Variants in MYPN observed in about 807,000 individuals in gnomAD.
MYPN encodes the protein myopalladin, also known as sarcomeric protein myopalladin, 145 kDa (MYOP).
MYPN carries 63 observed loss-of-function variants against 129.4 expected under a neutral mutation model. The observed-to-expected ratio is 0.49, with a 90% confidence interval of 0.40 to 0.60. The LOEUF is 0.60. Among genes scored for constraint, MYPN ranks in the 20% least tolerant of loss-of-function variants. The pLI, the probability that MYPN is intolerant of heterozygous loss-of-function variation, is 0.00. For synonymous variants in MYPN, 629 were observed against 600.9 expected (o/e 1.05, Z -0.68); for missense variants, 1,596 against 1,635.4 (o/e 0.98, Z 0.42).
chr10:68,183,690 A>C (rs909939858), intron 12 of MYPN, among the ~76,000 whole-genome samples: 2 of 152,154 alleles, frequency 1.3e-5, no homozygotes, highest in African/African-American at 4.8e-5. Context: ...TAATAAAACA[A>C]GATAAGAAGC....
intron 6 of MYPN, among the ~76,000 whole-genome samples, chr10:68,156,382 T>C (rs1434966647): frequency 6.6e-6 from 1 of 152,216 alleles, no homozygotes; most frequent in South Asian, 2.1e-4. Flanking sequence ...AATTCACTGA[T>C]GCTTCCTGTT....
chr10:68,138,796 T>G (rs2134050626), intron 2 of MYPN, among the ~76,000 whole-genome samples: 1 of 152,302 alleles, frequency 6.6e-6, no homozygotes, highest in South Asian at 2.1e-4. Context: ...ATCATCACAC[T>G]GTGGTTTAGG....
chr10:68,174,608 C>T lies in MYPN; in HGVS notation c.2516C>T (p.Ala839Val). The T allele has an allele frequency of 6.2e-7, 1 of 1,614,180 alleles. No homozygotes were observed. Among genetic ancestry groups the T allele is most frequent in the Non-Finnish European group, 8.5e-7 (1 of 1,180,032 alleles). The change falls in exon 11 of 20, where the codon GCC (alanine) becomes GTC (valine). Residue 839 changes from alanine to valine, a missense_variant. By Grantham distance (64) the Ala-to-Val change is moderately conservative (BLOSUM62 0). Coordinates refer to ENST00000358913, the MANE Select transcript of MYPN (RefSeq NM_032578.4). ...FLSSVLPSLP[A>V]IPPTNAMGLP... ...AGCTCTGTTCTGCCTTCTCTCCCTG[C>T]CATCCCACCCACAAATGCCATGGGG...
At chr10:68,201,400 C>A (rs567578574) in intron 17 of MYPN, among the ~76,000 whole-genome samples, 1 of 152,162 alleles carries the variant, frequency 6.6e-6, no homozygotes, top group South Asian at 2.1e-4. Context: ...TGGGTGCATG[C>A]CCACTCTGCT....
intron 4 of MYPN, 132 bp from the exon 5 acceptor site, chr10:68,148,221 G>T: frequency 1.3e-6 from 1 of 789,852 alleles, no homozygotes; most frequent in Non-Finnish European, 2.1e-6. Context: ...GTCAACGTTT[G>T]TAAAATATCA....
intron 1 of MYPN, among the ~76,000 whole-genome samples, chr10:68,095,792 A>G (rs899030734): frequency 6.6e-6 from 1 of 152,196 alleles, no homozygotes; most frequent in Non-Finnish European, 1.5e-5. Context: ...TTTAATGGAT[A>G]CAGAGGTTTA....
intron 1 of MYPN, among the ~76,000 whole-genome samples, chr10:68,100,587 C>A (rs1589512208): frequency 6.6e-6 from 1 of 152,014 alleles, no homozygotes; most frequent in African/African-American, 2.4e-5. Flanking sequence ...AAAGCAAGGA[C>A]CTTATGTAAA....
chr10:68,200,545 G>C (rs2043692262), intron 17 of MYPN, among the ~76,000 whole-genome samples: 1 of 152,048 alleles, frequency 6.6e-6, no homozygotes, highest in Non-Finnish European at 1.5e-5. Context: ...ATCACCTGAG[G>C]TTAGGAGTTC....
Position 68,161,578 on chromosome 10 carries a change from T to A in MYPN, c.1460-151T>A, listed in dbSNP as rs10823142. On this transcript the variant is annotated intron_variant, in intron 7 of 19. Coordinates refer to ENST00000358913, the MANE Select transcript of MYPN (RefSeq NM_032578.4). The stretch of plus-strand genomic sequence containing the variant: ...TTCTGTAATATCCATCCTGTCCCTG[T>A]TGAGATCATCTTACTTAATATTGTC... 281,241 of 623,538 alleles carry A rather than the reference T, an allele frequency of 0.45. 68,594 individuals are homozygous for A. The highest frequency in any genetic ancestry group is 0.51 in the Non-Finnish European group (182,257 of 354,678). 38.6% of individuals were successfully genotyped at this position (623,538 alleles called of 1,614,324 possible).
chr10:68,210,158 C>A, intron 19 of MYPN, 128 bp from the exon 20 acceptor site: 2 of 1,021,868 alleles, frequency 2.0e-6, no homozygotes, highest in South Asian at 1.5e-5. Context: ...AATTCAGACC[C>A]AGGTATAGTT....
rs985791837 is a variant in MYPN at position 68,187,623 on chromosome 10, T to C, written c.2704-1282T>C. 3.9e-5 allele frequency among the ~76,000 whole-genome samples: 6 copies of C among 152,142 alleles called. 1 individual carries two copies. Among genetic ancestry groups the C allele is most frequent in the South Asian group, 2.1e-4 (1 of 4,822 alleles). On this transcript the variant is annotated intron_variant, in intron 12 of 19. Transcript: ENST00000358913. ...TGAGCCATCCTGTCTGAAATGCCCATTAGACACCATAATGTAGAGTAGTAG... is the reference window on the plus strand; with the variant it reads ...TGAGCCATCCTGTCTGAAATGCCCACTAGACACCATAATGTAGAGTAGTAG...
chr10:68,120,122 A>C (rs1027001474), intron 1 of MYPN, among the ~76,000 whole-genome samples: 2 of 152,154 alleles, frequency 1.3e-5, no homozygotes. Flanking sequence ...GCCATCTCTG[A>C]TTGGTGATGG....
intron 15 of MYPN, among the ~76,000 whole-genome samples, 164 bp downstream of exon 15, chr10:68,195,696 C>G (rs1211363068): frequency 6.6e-6 from 1 of 152,184 alleles, no homozygotes; most frequent in African/African-American, 2.4e-5. Context: ...TCCCAGGCCC[C>G]ACTCTGGATC....
rs763630081 is a variant in MYPN at position 68,165,695 on chromosome 10, C to T, written c.1484-7C>T. The T allele has an allele frequency of 6.2e-7, 1 of 1,603,326 alleles. No homozygotes were observed. The highest frequency in any genetic ancestry group is 1.1e-5 in the South Asian group (1 of 90,896). On this transcript the variant is annotated splice_region_variant and splice_polypyrimidine_tract_variant and intron_variant, in intron 8 of 19. Transcript: ENST00000358913. Reference sequence around the variant, plus strand: ...GTCAGTAACCATTCTGTTTCACTGGCATATAGAGGAGATTTGCACCTTGGT... The same window carrying T: ...GTCAGTAACCATTCTGTTTCACTGGTATATAGAGGAGATTTGCACCTTGGT...
chr10:68,104,754 T>A (rs1340418348), upstream of MYPN, among the ~76,000 whole-genome samples: 1 of 152,114 alleles, frequency 6.6e-6, no homozygotes, highest in East Asian at 1.9e-4. Flanking sequence ...GAATATTTAC[T>A]AAAAGAAAGA....
At chr10:68,134,621 C>G (rs755300539) in intron 2 of MYPN, among the ~76,000 whole-genome samples, 14 of 151,962 alleles carry the variant, frequency 9.2e-5, no homozygotes, top group Non-Finnish European at 1.3e-4. Flanking sequence ...ATGGTGAAAC[C>G]CTGTCTCTAC....
intron 10 of MYPN, among the ~76,000 whole-genome samples, chr10:68,170,227 G>C (rs2043124392): frequency 6.6e-6 from 1 of 152,086 alleles, no homozygotes; most frequent in Non-Finnish European, 1.5e-5. Context: ...TTTTACAAGG[G>C]GGGAATTAAG....
chr10:68,188,583 G>A (rs891260144), intron 12 of MYPN, among the ~76,000 whole-genome samples: 16 of 152,266 alleles, frequency 1.1e-4, no homozygotes, highest in Admixed American at 2.6e-4. Flanking sequence ...GCTATAGGAA[G>A]TTTTCCATAT....
At chr10:68,135,348 A>G (rs762097580) in intron 2 of MYPN, 2 of 277,696 alleles carry the variant, frequency 7.2e-6, no homozygotes, top group Non-Finnish European at 1.1e-5. Context: ...ATGAAGACTT[A>G]AGTTTACTAA....
Sources: allele counts gnomAD v4.1 joint callset (sites outside exome capture counted in the v4.1 genomes callset), GRCh38; gene constraint gnomAD v4.1.1; transcripts MANE v1.5; gene names NCBI Gene and HGNC (gene_info 2026-07-23, HGNC 2026-07-21).